MLIP: variants seen among roughly 807,000 people sequenced by gnomAD.
MLIP encodes the protein muscular LMNA interacting protein, also known as muscular LMNA-interacting protein.
A neutral mutation model predicts 84.8 loss-of-function variants in MLIP; 79 were observed. The observed-to-expected ratio is 0.93, with a 90% CI of 0.78 to 1.12. MLIP has a LOEUF of 1.12. Ranked by LOEUF, MLIP falls within the 50% of genes most tolerant of loss-of-function variation. The probability of loss-of-function intolerance (pLI) is 0.00; values close to 1 mark genes in which losing one functional copy is unlikely to be tolerated. For synonymous variants in MLIP, 504 were observed against 463.0 expected (o/e 1.09, Z -1.14); for missense variants, 1,257 against 1,160.6 (o/e 1.08, Z -1.21).
intron 4 of MLIP, among the ~76,000 whole-genome samples, chr6:54,145,180 A>G (rs578143722): frequency 6.6e-6 from 1 of 152,314 alleles, no homozygotes; most frequent in Non-Finnish European, 1.5e-5. Context: ...TGATTAGCTA[A>G]TGTTTACTCT....
chr6:54,138,436 A>C, intron 4 of MLIP, 150 bp downstream of exon 4: 2 of 831,742 alleles, frequency 2.4e-6, no homozygotes, highest in Non-Finnish European at 3.6e-6. Context: ...GACTTGGTAT[A>C]TTTGAATGTG....
At chr6:54,193,832 G>A (rs565880051) in intron 10 of MLIP, among the ~76,000 whole-genome samples, 1 of 152,252 alleles carries the variant, frequency 6.6e-6, no homozygotes, top group East Asian at 1.9e-4. Flanking sequence ...TTTCCTAGCT[G>A]TTGAGCTGAA....
At chr6:54,094,205 T>A (rs1001384444) in intron 1 of MLIP, among the ~76,000 whole-genome samples, 2 of 152,214 alleles carry the variant, frequency 1.3e-5, no homozygotes, top group Middle Eastern at 3.4e-3. Context: ...AAGCCACTCC[T>A]GATATTGCCT....
At chr6:54,028,648 C>T (rs6937791) in intron 1 of MLIP, among the ~76,000 whole-genome samples, 14,330 of 152,218 alleles carry the variant, frequency 0.094, 731 homozygotes, top group Non-Finnish European at 0.11. Context: ...GTGCCACTTG[C>T]TTCTGCTTAT....
chr6:54,108,802 C>T (rs1296964104), upstream of MLIP, among the ~76,000 whole-genome samples: 13 of 152,020 alleles, frequency 8.6e-5, no homozygotes, highest in Non-Finnish European at 1.6e-4. Context: ...ATAAATATTG[C>T]TTTCTGTTTG....
chr6:54,081,542 G>A (rs987314510), intron 1 of MLIP, among the ~76,000 whole-genome samples: 3 of 152,104 alleles, frequency 2.0e-5, no homozygotes, highest in Non-Finnish European at 2.9e-5. Flanking sequence ...CGAAGTAGCT[G>A]GGATTACAGG....
chr6:54,180,704 C>G (rs1405249778), intron 9 of MLIP, among the ~76,000 whole-genome samples: 1 of 152,190 alleles, frequency 6.6e-6, no homozygotes, highest in South Asian at 2.1e-4. Context: ...ATTTCAATCT[C>G]TTTGTTAAAT....
At chr6:54,040,688 G>T (rs375067169) in intron 1 of MLIP, among the ~76,000 whole-genome samples, 1 of 152,046 alleles carries the variant, frequency 6.6e-6, no homozygotes. Context: ...TGGTGGATTA[G>T]AGAGAGCAAA....
At chr6:54,136,502 G>A (rs1252133277) in intron 3 of MLIP, among the ~76,000 whole-genome samples, 1 of 152,134 alleles carries the variant, frequency 6.6e-6, no homozygotes, top group Non-Finnish European at 1.5e-5. Flanking sequence ...GGATAAATGA[G>A]GTATAGGATG....
chr6:54,164,733 G>A (rs1161565353), intron 8 of MLIP, among the ~76,000 whole-genome samples: 3 of 151,696 alleles, frequency 2.0e-5, no homozygotes, highest in Non-Finnish European at 4.4e-5. Context: ...AGTCACTTTA[G>A]CCTCTACTTA....
intron 11 of MLIP, among the ~76,000 whole-genome samples, chr6:54,228,111 AGGC>A (rs1562082378): frequency 2.0e-5 from 3 of 146,750 alleles, no homozygotes; most frequent in African/African-American, 5.1e-5. Context: ...TGAACCCCGG[AGGC>A]GGAGCTTGCA....
chr6:54,231,745 C>T (rs1781017967), intron 12 of MLIP, among the ~76,000 whole-genome samples: 1 of 152,114 alleles, frequency 6.6e-6, no homozygotes, highest in South Asian at 2.1e-4. Context: ...ATTTATTCTA[C>T]AAGGTATCTA....
At chr6:54,034,010 A>G (rs1015974453) in intron 1 of MLIP, among the ~76,000 whole-genome samples, 2 of 152,198 alleles carry the variant, frequency 1.3e-5, no homozygotes, top group Admixed American at 6.5e-5. Context: ...TATTTGGATT[A>G]CACGTTAAAA....
chr6:54,041,792 G>GT (rs936019609), intron 1 of MLIP, among the ~76,000 whole-genome samples: 1 of 151,908 alleles, frequency 6.6e-6, no homozygotes, highest in Admixed American at 6.6e-5. Context: ...TTAGGCCAGT[G>GT]TTTTTTTCAT....
chr6:54,104,477 C>A (rs1768871307), intron 1 of MLIP, among the ~76,000 whole-genome samples: 1 of 152,142 alleles, frequency 6.6e-6, no homozygotes, highest in East Asian at 1.9e-4. Context: ...ATTTTCAGGT[C>A]TTTCAGTCAA....
chr6:54,227,310 T>C (rs2150790167), intron 11 of MLIP, among the ~76,000 whole-genome samples: 1 of 152,092 alleles, frequency 6.6e-6, no homozygotes, highest in Non-Finnish European at 1.5e-5. Context: ...AGAACAGACT[T>C]ATACAGAGGA....
In MLIP at chr6:54,124,651, T is replaced by C. The variant is rs780531406; in HGVS notation, c.431T>C (p.Val144Ala). 3.7e-6 allele frequency: 6 copies of C among 1,614,182 alleles called. No individual in the cohort carries two copies. The highest frequency in any genetic ancestry group is 5.1e-6 in the Non-Finnish European group (6 of 1,180,024). The change falls in exon 3 of 14, where the codon GTG becomes GCG. Residue 144 changes from valine (V) to alanine (A), a missense_variant. By Grantham distance (64) the Val-to-Ala change is moderately conservative. Coordinates refer to ENST00000502396, the MANE Select transcript of MLIP (RefSeq NM_001281747.2). ...TTCAAAGCTGAATATGTCCTTATTGTGGACTCCGAAGGGGAAGATGAGGCT... is the reference window on the plus strand; with the variant it reads ...TTCAAAGCTGAATATGTCCTTATTGCGGACTCCGAAGGGGAAGATGAGGCT... ...DLFKAEYVLI[V>A]DSEGEDEAAS...
intron 9 of MLIP, among the ~76,000 whole-genome samples, chr6:54,182,043 C>A (rs1449817097): frequency 6.6e-6 from 1 of 152,194 alleles, no homozygotes; most frequent in Non-Finnish European, 1.5e-5. Flanking sequence ...ATGTACCACC[C>A]TAGTCTACTG....
At chr6:54,140,595 A>G (rs968392950) in intron 4 of MLIP, among the ~76,000 whole-genome samples, 1 of 152,194 alleles carries the variant, frequency 6.6e-6, no homozygotes, top group African/African-American at 2.4e-5. Context: ...AGTATGGACT[A>G]TGAGACAATG....
Sources: allele counts gnomAD v4.1 joint callset (sites outside exome capture counted in the v4.1 genomes callset), GRCh38; gene constraint gnomAD v4.1.1; transcripts MANE v1.5; gene names NCBI Gene and HGNC (gene_info 2026-07-23, HGNC 2026-07-21).